PCDHGB2: variants seen among roughly 807,000 people sequenced by gnomAD.
PCDHGB2 encodes protocadherin gamma-B2.
A neutral mutation model predicts 59.3 loss-of-function variants in PCDHGB2; 55 were observed. The ratio of observed to expected loss-of-function variants is 0.93; its 90% CI spans 0.75 to 1.16. The LOEUF is 1.16. Among genes scored for constraint, PCDHGB2 ranks in the 50% most tolerant of loss-of-function variants. The probability of loss-of-function intolerance (pLI) is 0.00; values close to 1 mark genes in which losing one functional copy is unlikely to be tolerated. For synonymous variants in PCDHGB2, 516 were observed against 512.0 expected (o/e 1.01, Z -0.11); for missense variants, 1,228 against 1,198.5 (o/e 1.02, Z -0.36).
chr5:141,437,355 A>C (rs2097877902), intron 1 of PCDHGB2, among the ~76,000 whole-genome samples: 1 of 152,238 alleles, frequency 6.6e-6, no homozygotes, highest in Non-Finnish European at 1.5e-5. Flanking sequence ...ATAGTACCTA[A>C]AATTGGAATG....
chr5:141,510,839 C>T (rs186647886), intron 3 of PCDHGB2, 108 bp from the exon 4 acceptor site: 36 of 1,586,990 alleles, frequency 2.3e-5, no homozygotes, highest in Non-Finnish European at 3.1e-5. Context: ...TCAGCGTGGT[C>T]AAGGCCCAGG....
chr5:141,366,397 C>G, intron 1 of PCDHGB2: 2 of 1,614,182 alleles, frequency 1.2e-6, no homozygotes, highest in African/African-American at 1.3e-5. Flanking sequence ...ATCTGGACCT[C>G]ACACTCTATC....
intron 1 of PCDHGB2, chr5:141,478,354 C>G (rs141625672): frequency 2.8e-5 from 45 of 1,613,660 alleles, no homozygotes; most frequent in Non-Finnish European, 3.2e-5. Flanking sequence ...ACGCGGACGC[C>G]GTGCGGGGAG....
At chr5:141,398,632 A>G (rs1589336934) in intron 1 of PCDHGB2, 7 of 1,613,946 alleles carry the variant, frequency 4.3e-6, no homozygotes, top group Non-Finnish European at 5.1e-6. Context: ...CTCTCTGCAG[A>G]AGTATAAACT....
chr5:141,366,619 G>C, intron 1 of PCDHGB2: 1 of 1,614,222 alleles, frequency 6.2e-7, no homozygotes, highest in Non-Finnish European at 8.5e-7. Flanking sequence ...CCGCGGACTC[G>C]AGGAAGAGTC....
rs907175903 is a variant in PCDHGB2, at chr5:141,361,004, A to C, written c.869A>C (p.His290Pro). Residue 290 changes from histidine to proline, a missense_variant, in exon 1 of 4, where the codon CAC becomes CCC. Coordinates refer to ENST00000522605, the MANE Select transcript of PCDHGB2 (RefSeq NM_018923.3). Reference protein sequence around the residue: ...SFHNVDEQVKHFFNLNEKTGE... With the variant: ...SFHNVDEQVKPFFNLNEKTGE... ...CATAATGTGGACGAACAAGTGAAAC[A>C]CTTTTTCAACTTAAATGAAAAAACA... The C allele has an allele frequency of 1.2e-6, 2 of 1,613,282 alleles. No individual in the cohort carries two copies. The highest frequency in any genetic ancestry group is 1.3e-5 in the African/African-American group (1 of 75,062).
intron 1 of PCDHGB2, among the ~76,000 whole-genome samples, chr5:141,401,114 CG>C (rs566829189): frequency 5.5e-4 from 84 of 152,224 alleles, no homozygotes; most frequent in African/African-American, 2.0e-3. Context: ...GAGGCCGAGG[CG>C]GTTGGATCAC....
intron 1 of PCDHGB2, among the ~76,000 whole-genome samples, chr5:141,456,935 C>T (rs894385178): frequency 5.9e-5 from 9 of 152,178 alleles, no homozygotes; most frequent in African/African-American, 2.2e-4. Context: ...TGCACTCCAG[C>T]CTGGGCAACA....
At position 141,487,543 on chromosome 5, in the gene PCDHGB2, A is replaced by G. The variant is rs2099649285; in HGVS notation, c.2422-7264A>G. On this transcript the variant is annotated intron_variant, in intron 1 of 3. Coordinates refer to ENST00000522605, the MANE Select transcript of PCDHGB2 (RefSeq NM_018923.3). This position sits in a 1 kb window ranked among gnomAD's most constrained non-coding sequence, Gnocchi z 5.0. ...GTGATAGCTTCATGATGGTGAAGTC[A>G]CCCAGTGCACCTATGGCAGGGGAGC... is the stretch of plus-strand genomic sequence containing the variant. The G allele has an allele frequency of 3.7e-6, 6 of 1,614,114 alleles. No homozygotes were observed. In the South Asian group the frequency reaches 5.5e-5, roughly 15 times the overall value.
intron 1 of PCDHGB2, chr5:141,371,607 G>T (rs2149987986): frequency 6.2e-6 from 10 of 1,614,022 alleles, no homozygotes; most frequent in Admixed American, 1.7e-5. Context: ...ATACAGGTTG[G>T]TGACAGATGG....
intron 1 of PCDHGB2, chr5:141,430,769 G>T: frequency 6.6e-7 from 1 of 1,508,212 alleles, no homozygotes; most frequent in Non-Finnish European, 8.9e-7. Context: ...AATGATTCCT[G>T]CGCGACTGCA....
intron 2 of PCDHGB2, among the ~76,000 whole-genome samples, chr5:141,502,894 G>C (rs1342496006): frequency 6.8e-6 from 1 of 147,968 alleles, no homozygotes; most frequent in Non-Finnish European, 1.5e-5. Context: ...AGGGAGTCTA[G>C]CTCTGTTGCC....
Position 141,427,512 on chromosome 5 carries a change from T to A in PCDHGB2, c.2421+64956T>A, listed in dbSNP as rs1483922394. ...GCTTGTAACAGATGGGACCCTGGATTGGGAGCGGATCCCGGAGTACAACGT... is the reference window on the plus strand; with the variant it reads ...GCTTGTAACAGATGGGACCCTGGATAGGGAGCGGATCCCGGAGTACAACGT... On this transcript the variant is annotated intron_variant, in intron 1 of 3. Transcript: ENST00000522605. 1.2e-5 allele frequency: 7 copies of A among 592,748 alleles called. No homozygotes were observed. The Admixed American group carries it at 1.3e-4, about 11-fold the overall frequency. 36.7% of individuals were successfully genotyped at this position (592,748 alleles called of 1,614,324 possible). A position where few individuals can be genotyped will look rare whatever the true frequency, so the allele number is the denominator to read the frequency against.
chr5:141,455,983 C>T (rs542017964), intron 1 of PCDHGB2, among the ~76,000 whole-genome samples: 23 of 151,546 alleles, frequency 1.5e-4, no homozygotes, highest in African/African-American at 5.1e-4. Context: ...CTGCAAGCTC[C>T]GCCTCTCGGG....
In PCDHGB2 at chr5:141,432,002, G is replaced by T; in HGVS notation, c.2422-62805G>T. The T allele has an allele frequency of 6.2e-7, 1 of 1,614,186 alleles. No homozygotes were observed. The highest frequency in any genetic ancestry group is 1.1e-5 in the South Asian group (1 of 91,090). ...AGACATAGTCTTGGATAGGGAACAGGTTCCTAGCTACAACATCACAGTGAC... is the reference window on the plus strand; with the variant it reads ...AGACATAGTCTTGGATAGGGAACAGTTTCCTAGCTACAACATCACAGTGAC... On this transcript the variant is annotated intron_variant, in intron 1 of 3. Coordinates refer to ENST00000522605, the MANE Select transcript of PCDHGB2 (RefSeq NM_018923.3). The surrounding 1 kb of genome is among the most constrained non-coding windows in gnomAD (Gnocchi z 6.0).
intron 1 of PCDHGB2, chr5:141,388,833 T>G (rs761698912): frequency 6.2e-7 from 1 of 1,613,838 alleles, no homozygotes; most frequent in Non-Finnish European, 8.5e-7. Context: ...TTCCATAGTT[T>G]TGGAAGCAAG....
chr5:141,424,699 G>A (rs185769714), intron 1 of PCDHGB2: 222 of 152,060 alleles, frequency 1.5e-3, no homozygotes, highest in African/African-American at 5.2e-3. Flanking sequence ...CTATTTTTTT[G>A]TTCATTTTCA....
chr5:141,398,197 T>G lies in PCDHGB2; in HGVS notation c.2421+35641T>G, dbSNP rs1317220760. On this transcript the variant is annotated intron_variant, in intron 1 of 3. Transcript: ENST00000522605. Reference sequence around the variant, plus strand: ...AGTGCTCTTTCTCTTCCTGCTGTCTTTGTTCTGCCCGGCGCTCTGTGAGCA... The same window carrying G: ...AGTGCTCTTTCTCTTCCTGCTGTCTGTGTTCTGCCCGGCGCTCTGTGAGCA... 2.7e-6 allele frequency: 4 copies of G among 1,492,294 alleles called. No homozygotes were observed. The African/African-American group carries it at 4.2e-5, about 16-fold the overall frequency. The allele number at this position is 1,492,294 out of a possible 1,614,324, so 92.4% of individuals were successfully genotyped here.
intron 1 of PCDHGB2, chr5:141,409,494 C>T (rs755680835): frequency 8.1e-6 from 13 of 1,613,910 alleles, no homozygotes; most frequent in South Asian, 3.3e-5. Context: ...GGCAAGCCGC[C>T]TCTTTCTTCC....
Sources: gnomAD v4.1 joint callset for allele counts (sites outside exome capture counted in the v4.1 genomes callset) on GRCh38, gnomAD v4.1.1 for gene constraint, Gnocchi (gnomAD v3.1) non-coding constraint, MANE v1.5 for transcripts, NCBI Gene and HGNC (gene_info 2026-07-23, HGNC 2026-07-21) for gene names.